HS3ST4: variants seen among roughly 807,000 people sequenced by gnomAD.
HS3ST4 encodes the protein heparan sulfate glucosamine 3-O-sulfotransferase 4.
HS3ST4 carries 17 observed loss-of-function variants against 29.2 expected under a neutral mutation model. That is an observed-to-expected ratio of 0.58 (90% confidence interval 0.40 to 0.87). The LOEUF is 0.87. Among genes scored for constraint, HS3ST4 ranks in the 40% least tolerant of loss-of-function variants. HS3ST4 has a pLI of 0.00. For synonymous variants in HS3ST4, 314 were observed against 285.7 expected, an observed-to-expected ratio of 1.10 and a Z score of -1.00; for missense variants, 627 against 634.5, an observed-to-expected ratio of 0.99 and a Z score of 0.13.
intron 1 of HS3ST4, among the ~76,000 whole-genome samples, chr16:25,899,330 G>A (rs1396568565): frequency 6.6e-6 from 1 of 152,156 alleles, no homozygotes; most frequent in Non-Finnish European, 1.5e-5. Context: ...ATTATTAGGT[G>A]GCTAACCCAA....
intron 1 of HS3ST4, among the ~76,000 whole-genome samples, chr16:25,849,870 C>G (rs748546157): frequency 6.6e-6 from 1 of 151,976 alleles, no homozygotes; most frequent in Non-Finnish European, 1.5e-5. Context: ...CTTATGACAT[C>G]TGTCACCTTA....
chr16:25,961,210 T>C (rs1968789958), intron 1 of HS3ST4, among the ~76,000 whole-genome samples: 1 of 152,162 alleles, frequency 6.6e-6, no homozygotes, highest in Non-Finnish European at 1.5e-5. Context: ...CCAATATGTA[T>C]CCTGGGATCT....
rs958420231 is a variant in HS3ST4 at position 25,790,912 on chromosome 16, A to T, written c.734+97761A>T. 3.3e-5 allele frequency among the ~76,000 whole-genome samples: 5 copies of T among 152,272 alleles called. No individual in the cohort carries two copies. The East Asian group carries it at 9.6e-4, about 29-fold the overall frequency. On this transcript the variant is annotated intron_variant, in intron 1 of 1. Transcript: ENST00000331351. ...TCTTAATTTTTATATAGCCTAGTTA[A>T]TCAATATCTTTCTTTATAGTAAGAG... is the stretch of plus-strand genomic sequence containing the variant.
chr16:25,747,156 A>G (rs1431087842), intron 1 of HS3ST4, among the ~76,000 whole-genome samples: 1 of 152,216 alleles, frequency 6.6e-6, no homozygotes, highest in Non-Finnish European at 1.5e-5. Context: ...CACACAGCCA[A>G]CCATCACAAT....
At chr16:25,736,262 GTCA>G (rs1305509878) in intron 1 of HS3ST4, among the ~76,000 whole-genome samples, 4 of 152,198 alleles carry the variant, frequency 2.6e-5, no homozygotes, top group Non-Finnish European at 5.9e-5. Flanking sequence ...ACCACCCTTT[GTCA>G]TCATGTCTCT....
intron 1 of HS3ST4, among the ~76,000 whole-genome samples, chr16:25,886,494 A>C (rs190860979): frequency 6.6e-6 from 1 of 152,194 alleles, no homozygotes; most frequent in East Asian, 1.9e-4. Context: ...AGTTATCATC[A>C]GTCCTGGCTT....
intron 1 of HS3ST4, among the ~76,000 whole-genome samples, chr16:25,926,965 G>T (rs1968409900): frequency 6.6e-6 from 1 of 152,074 alleles, no homozygotes; most frequent in South Asian, 2.1e-4. Context: ...ATACTTTAAG[G>T]TCAGGAGAAT....
chr16:25,952,042 A>G (rs963553141), intron 1 of HS3ST4, among the ~76,000 whole-genome samples: 1 of 152,268 alleles, frequency 6.6e-6, no homozygotes, highest in Non-Finnish European at 1.5e-5. Context: ...AAAATCATAT[A>G]GAATTCAGAC....
chr16:25,993,934 A>G (rs149916233), intron 1 of HS3ST4, among the ~76,000 whole-genome samples: 53 of 145,202 alleles, frequency 3.7e-4, no homozygotes, highest in African/African-American at 1.3e-3. Context: ...CATCTTGCCT[A>G]TGCTCACATA....
intron 1 of HS3ST4, among the ~76,000 whole-genome samples, chr16:25,943,129 A>G (rs966855110): frequency 6.6e-6 from 1 of 152,190 alleles, no homozygotes; most frequent in Non-Finnish European, 1.5e-5. Flanking sequence ...ATTTTATTTT[A>G]TTATTTTATT....
chr16:25,699,265 T>G (rs1461505902), intron 1 of HS3ST4, among the ~76,000 whole-genome samples: 1 of 152,222 alleles, frequency 6.6e-6, no homozygotes, highest in Non-Finnish European at 1.5e-5. Flanking sequence ...GGGTTTTTTC[T>G]TTTTCTTCCT....
intron 1 of HS3ST4, among the ~76,000 whole-genome samples, chr16:25,770,846 A>C (rs1260183774): frequency 2.0e-5 from 3 of 152,190 alleles, no homozygotes; most frequent in African/African-American, 7.2e-5. Flanking sequence ...ACTATTAATC[A>C]TAACGGTGAA....
rs972228061 is a variant in HS3ST4, at chr16:25,743,450, G to A, written c.734+50299G>A. 7.2e-5 allele frequency among the ~76,000 whole-genome samples: 11 copies of A among 152,172 alleles called. No individual in the cohort carries two copies. The East Asian group carries it at 7.7e-4, about 11-fold the overall frequency. ...TGAGGTGTAAGTCAATTAATCAATC[G>A]GCATATCAGAGGAGGCTGGATTGCA... On this transcript the variant is annotated intron_variant, in intron 1 of 1. Coordinates refer to ENST00000331351, the MANE Select transcript of HS3ST4 (RefSeq NM_006040.3).
At chr16:26,068,722 A>G (rs1241747926) in intron 1 of HS3ST4, among the ~76,000 whole-genome samples, 1 of 152,120 alleles carries the variant, frequency 6.6e-6, no homozygotes, top group Non-Finnish European at 1.5e-5. Context: ...TCCTGAAAAT[A>G]CATCCTTGGA....
chr16:26,079,239 C>T (rs1360613683), intron 1 of HS3ST4, among the ~76,000 whole-genome samples: 2 of 152,166 alleles, frequency 1.3e-5, no homozygotes, highest in South Asian at 4.1e-4. Flanking sequence ...ACAGCTGTGA[C>T]TGAAGGAATA....
intron 1 of HS3ST4, among the ~76,000 whole-genome samples, chr16:26,000,193 C>G (rs1174865124): frequency 1.3e-5 from 2 of 151,884 alleles, no homozygotes; most frequent in African/African-American, 2.4e-5. Flanking sequence ...AACTAAGAAG[C>G]CCTGAACAAT....
rs150787914 is a variant in HS3ST4 at position 25,781,877 on chromosome 16, C to T, written c.734+88726C>T. Among the ~76,000 whole-genome samples, 20 of 152,280 alleles carry T rather than the reference C, an allele frequency of 1.3e-4. No homozygotes were observed. In the East Asian group the frequency reaches 3.7e-3, roughly 28 times the overall value. The stretch of plus-strand genomic sequence containing the variant: ...TCTAGTCATCTTCATTGAGTGTTTC[C>T]TCCCTTCTTGCTTCTCCACTCCAAA... On this transcript the variant is annotated intron_variant, in intron 1 of 1. Coordinates refer to ENST00000331351, the MANE Select transcript of HS3ST4 (RefSeq NM_006040.3).
At chr16:25,916,986 C>A (rs1968299844) in intron 1 of HS3ST4, among the ~76,000 whole-genome samples, 1 of 152,064 alleles carries the variant, frequency 6.6e-6, no homozygotes, top group Non-Finnish European at 1.5e-5. Flanking sequence ...GCCTCGAATG[C>A]ATTCTTAAGT....
chr16:25,892,822 T>A (rs1968023493), intron 1 of HS3ST4, among the ~76,000 whole-genome samples: 1 of 152,062 alleles, frequency 6.6e-6, no homozygotes, highest in Non-Finnish European at 1.5e-5. Context: ...GGGGCCCCTA[T>A]GCACTGGGCA....
Sources: allele counts gnomAD v4.1 joint callset (sites outside exome capture counted in the v4.1 genomes callset), GRCh38; gene constraint gnomAD v4.1.1; transcripts MANE v1.5; gene names NCBI Gene and HGNC (gene_info 2026-07-23, HGNC 2026-07-21).